The following ITGA11 variants were observed in gnomAD, a reference collection of about 807,000 sequenced individuals.
ITGA11 encodes integrin alpha-11.
In ITGA11, 97 loss-of-function variants were observed where a neutral mutation model predicts 141.9. The observed-to-expected ratio is 0.68, with a 90% confidence interval of 0.58 to 0.81. The LOEUF (loss-of-function observed/expected upper bound fraction) is 0.81, where lower values mean the gene tolerates loss of function less well. ITGA11 is among the 30% of genes least tolerant of loss of function. The pLI, the probability that ITGA11 is intolerant of heterozygous loss-of-function variation, is 0.00. For missense variants in ITGA11, 1,387 were observed against 1,559.2 expected, an observed-to-expected ratio of 0.89 and a Z score of 1.86; for synonymous variants, 658 against 624.6, an observed-to-expected ratio of 1.05 and a Z score of -0.80.
chr15:68,421,373 G>C (rs1229654324), intron 1 of ITGA11, among the ~76,000 whole-genome samples: 1 of 152,216 alleles, frequency 6.6e-6, no homozygotes, highest in Non-Finnish European at 1.5e-5. Context: ...AGAGGAGGAA[G>C]TCAGAAATGC....
At chr15:68,399,756 A>C (rs1474713220) in intron 2 of ITGA11, among the ~76,000 whole-genome samples, 3 of 152,122 alleles carry the variant, frequency 2.0e-5, no homozygotes, top group Non-Finnish European at 2.9e-5. Flanking sequence ...CACTGGGTAC[A>C]CATGGACATA....
At position 68,303,812 on chromosome 15, in the gene ITGA11, C is replaced by T. The variant is rs757047260; in HGVS notation, c.3455G>A (p.Gly1152Asp). 3.7e-6 allele frequency: 6 copies of T among 1,612,378 alleles called. No individual in the cohort carries two copies. The highest frequency in any genetic ancestry group is 2.2e-5 in the East Asian group (1 of 44,800). Residue 1152 changes from glycine (G) to aspartate (D), a missense_variant, in exon 29 of 30, where the codon GGC (glycine) becomes GAC (aspartate). Coordinates refer to ENST00000315757, the MANE Select transcript of ITGA11 (RefSeq NM_001004439.2). The surrounding 1 kb of genome is among the most constrained non-coding windows in gnomAD (Gnocchi z 5.3). ...GACCAGCAGGGCCAGCAGTAGGAGG[C>T]CCCCCAGGGTGCTGCCTACAATGAT... ...IWIIVGSTLG[G>D]LLLLALLVLA...
Position 68,303,135 on chromosome 15 carries a change from G to A in ITGA11, c.3496-5C>T. On this transcript the variant is annotated splice_polypyrimidine_tract_variant and splice_region_variant and intron_variant, in intron 29 of 29. Coordinates refer to ENST00000315757, the MANE Select transcript of ITGA11 (RefSeq NM_001004439.2). The surrounding 1 kb of genome is among the most constrained non-coding windows in gnomAD (Gnocchi z 5.3). ...GGCACTTCTAAAGAAGCCGAGCTGTGAGGAGGCAAAGGGAGACGTCTCAGA... is the reference window on the plus strand; with the variant it reads ...GGCACTTCTAAAGAAGCCGAGCTGTAAGGAGGCAAAGGGAGACGTCTCAGA... 6.4e-7 allele frequency: 1 copy of A among 1,551,240 alleles called. No individual in the cohort carries two copies. The highest frequency in any genetic ancestry group is 8.7e-7 in the Non-Finnish European group (1 of 1,147,016).
intron 8 of ITGA11, 97 bp downstream of exon 8, chr15:68,351,161 G>T: frequency 7.4e-7 from 1 of 1,349,292 alleles, no homozygotes; most frequent in Non-Finnish European, 1.0e-6. Flanking sequence ...CTGGACACTT[G>T]TGATACTGCC....
intron 1 of ITGA11, among the ~76,000 whole-genome samples, chr15:68,413,465 G>A (rs1346818497): frequency 2.0e-5 from 3 of 152,196 alleles, no homozygotes; most frequent in African/African-American, 4.8e-5. Flanking sequence ...GGTGTTCAGA[G>A]CTTACAGCCC....
chr15:68,400,160 A>G lies in ITGA11; in HGVS notation c.164+2758T>C, dbSNP rs146828892. On this transcript the variant is annotated intron_variant, in intron 2 of 29. Coordinates refer to ENST00000315757, the MANE Select transcript of ITGA11 (RefSeq NM_001004439.2). The stretch of plus-strand genomic sequence containing the variant: ...TCAACAAAGATGTCACTAGAATTCA[A>G]TGGGGAAAATAGTCTTTAACAAATT... Among the ~76,000 whole-genome samples the G allele has an allele frequency of 3.8e-3, 572 of 152,276 alleles. 4 individuals carry two copies. The highest frequency in any genetic ancestry group is 0.013 in the African/African-American group (541 of 41,552).
rs768444063 is a variant in ITGA11 at position 68,322,057 on chromosome 15, C to CG, written c.2323-555dup. Among the ~76,000 whole-genome samples, 4 of 152,088 alleles carry CG rather than the reference C, an allele frequency of 2.6e-5. No homozygotes were observed. The highest frequency in any genetic ancestry group is 6.5e-5 in the Admixed American group (1 of 15,272). On this transcript the variant is annotated intron_variant, in intron 18 of 29. Transcript: ENST00000315757. The surrounding 1 kb of genome is among the most constrained non-coding windows in gnomAD (Gnocchi z 5.6). ...GGACGGTCAAGGTAGCTGTGTGGAC[C>CG]GGGATGGAGGTGGTGAAGTCCAGGA... is the stretch of plus-strand genomic sequence containing the variant.
rs2140293381 is a variant in ITGA11, at chr15:68,324,344, C to T, written c.2322+787G>A. Among the ~76,000 whole-genome samples the T allele has an allele frequency of 6.6e-6, 1 of 152,318 alleles. No individual in the cohort carries two copies. The highest frequency in any genetic ancestry group is 1.9e-4 in the East Asian group (1 of 5,174). ...TCTGAAACTGCTTCCTGGCTGGACTCTGTCACTCACACAGACGTTGCTCAG... is the reference window on the plus strand; with the variant it reads ...TCTGAAACTGCTTCCTGGCTGGACTTTGTCACTCACACAGACGTTGCTCAG... On this transcript the variant is annotated intron_variant, in intron 18 of 29. Transcript: ENST00000315757. The surrounding 1 kb of genome is among the most constrained non-coding windows in gnomAD (Gnocchi z 6.3).
At position 68,375,625 on chromosome 15, in the gene ITGA11, G is replaced by T. The variant is rs1895709067; in HGVS notation, c.165-6341C>A. Reference sequence around the variant, plus strand: ...TGGTTCACCTTGGCTCACACATCTGGTGAGGCCTGGCCTCGTGGGGGCTAG... The same window carrying T: ...TGGTTCACCTTGGCTCACACATCTGTTGAGGCCTGGCCTCGTGGGGGCTAG... On this transcript the variant is annotated intron_variant, in intron 2 of 29. Coordinates refer to ENST00000315757, the MANE Select transcript of ITGA11 (RefSeq NM_001004439.2). 2.0e-5 allele frequency among the ~76,000 whole-genome samples: 3 copies of T among 152,224 alleles called. No homozygotes were observed. The South Asian group carries it at 6.2e-4, about 32-fold the overall frequency.
At chr15:68,374,879 T>C (rs1318805859) in intron 2 of ITGA11, among the ~76,000 whole-genome samples, 1 of 152,246 alleles carries the variant, frequency 6.6e-6, no homozygotes, top group Non-Finnish European at 1.5e-5. Flanking sequence ...GTTATCCTTT[T>C]CATTTGAATG....
chr15:68,338,760 G>A (rs1894456083), intron 11 of ITGA11, among the ~76,000 whole-genome samples: 2 of 152,254 alleles, frequency 1.3e-5, no homozygotes, highest in South Asian at 2.1e-4. Flanking sequence ...CCATGGAGGA[G>A]TGGGGTCCGA....
At chr15:68,313,985 C>A in intron 22 of ITGA11, 117 bp from the exon 23 acceptor site, 3 of 702,754 alleles carry the variant, frequency 4.3e-6, no homozygotes, top group East Asian at 2.7e-5. Flanking sequence ...TGATGGGCAC[C>A]AGACAGGCCA....
intron 2 of ITGA11, among the ~76,000 whole-genome samples, chr15:68,381,992 G>A (rs759919128): frequency 2.8e-4 from 43 of 152,316 alleles, no homozygotes; most frequent in Admixed American, 9.1e-4. Flanking sequence ...GTGCAGGAGC[G>A]CAGAGGACAC....
chr15:68,394,768 T>C (rs763338105), intron 2 of ITGA11, among the ~76,000 whole-genome samples: 5 of 152,068 alleles, frequency 3.3e-5, no homozygotes, highest in African/African-American at 9.7e-5. Context: ...CTTATAGACA[T>C]TGAAAAGATA....
Position 68,357,272 on chromosome 15 carries a change from C to T in ITGA11, c.628G>A (p.Val210Met). ...TCGTTGAGGTGAAACTCATGCACCACATCTTCGCCATACTGCACAACTCCA... is the reference window on the plus strand; with the variant it reads ...TCGTTGAGGTGAAACTCATGCACCATATCTTCGCCATACTGCACAACTCCA... The part of the protein sequence containing the change: ...QVGVVQYGED[V>M]VHEFHLNDYR... Residue 210 changes from valine (V) to methionine (M), a missense_variant, in exon 7 of 30, where the codon GTG (valine) becomes ATG (methionine). By Grantham distance (21) the Val-to-Met change is conservative. Transcript: ENST00000315757. 3 of 1,613,782 alleles carry T rather than the reference C, an allele frequency of 1.9e-6. No homozygotes were observed. The highest frequency in any genetic ancestry group is 2.5e-6 in the Non-Finnish European group (3 of 1,179,834).
intron 22 of ITGA11, 98 bp downstream of exon 22, chr15:68,315,553 G>A: frequency 9.9e-7 from 1 of 1,009,962 alleles, no homozygotes. Context: ...AGGGCGTGGG[G>A]CAGCGGACTC....
rs1892968305 is a variant in ITGA11, at chr15:68,299,042, A to C, written c.*4017T>G. 6.6e-6 allele frequency: 1 copy of C among 152,234 alleles called. No individual in the cohort carries two copies. The highest frequency in any genetic ancestry group is 1.5e-5 in the Non-Finnish European group (1 of 68,048). The allele number at this position is 152,234 out of a possible 1,614,324, so 9.4% of individuals were successfully genotyped here. On this transcript the variant is annotated 3_prime_UTR_variant, in exon 30 of 30. Transcript: ENST00000315757. The stretch of plus-strand genomic sequence containing the variant: ...GCAACAGAGTGAGACACTGTCTCAA[A>C]ACAAACCATGCAAAGCTGATTAGAA...
At chr15:68,374,457 C>T (rs984961292) in intron 2 of ITGA11, among the ~76,000 whole-genome samples, 5 of 152,166 alleles carry the variant, frequency 3.3e-5, no homozygotes, top group African/African-American at 1.2e-4. Flanking sequence ...GAGAGAAGTG[C>T]TGTGTCTGAG....
chr15:68,302,059 T>TGTGA lies in ITGA11; in HGVS notation c.*999_*1000insTCAC, dbSNP rs1380472348. On this transcript the variant is annotated 3_prime_UTR_variant, in exon 30 of 30. Coordinates refer to ENST00000315757, the MANE Select transcript of ITGA11 (RefSeq NM_001004439.2). Reference sequence around the variant, plus strand: ...CATGAGGGAAGGATGGGAGGCAGTGTGTGTGTGTGTGTGTGTGTGTGTGTG... The same window carrying TGTGA: ...CATGAGGGAAGGATGGGAGGCAGTGTGTGAGTGTGTGTGTGTGTGTGTGTGTGTG... 5.8e-4 allele frequency: 24 copies of TGTGA among 41,180 alleles called. No homozygotes were observed. Among genetic ancestry groups the TGTGA allele is most frequent in the Non-Finnish European group, 1.2e-3 (19 of 16,442 alleles). The allele number at this position is 41,180 out of a possible 1,614,324, so 2.6% of individuals were successfully genotyped here.
Sources: allele counts gnomAD v4.1 joint callset (sites outside exome capture counted in the v4.1 genomes callset), GRCh38; gene constraint gnomAD v4.1.1; non-coding constraint Gnocchi (gnomAD v3.1); transcripts MANE v1.5; gene names NCBI Gene and HGNC (gene_info 2026-07-23, HGNC 2026-07-21).